The following VRK2 variants were observed in gnomAD, a reference collection of about 807,000 sequenced individuals.
VRK2 encodes the protein serine/threonine-protein kinase VRK2.
VRK2 carries 60 observed loss-of-function variants against 57.6 expected under a neutral mutation model. The observed-to-expected ratio is 1.04, with a 90% confidence interval of 0.85 to 1.29. The LOEUF is 1.29. Ranked by LOEUF, VRK2 falls within the 50% of genes most tolerant of loss-of-function variation. VRK2 has a pLI of 0.00. For missense variants in VRK2, 705 were observed against 588.1 expected, an observed-to-expected ratio of 1.20 and a Z score of -2.06; for synonymous variants, 231 against 199.2, an observed-to-expected ratio of 1.16 and a Z score of -1.35.
intron 1 of VRK2, among the ~76,000 whole-genome samples, chr2:57,938,150 T>A (rs746794108): frequency 6.6e-6 from 1 of 152,226 alleles, no homozygotes; most frequent in Non-Finnish European, 1.5e-5. Flanking sequence ...TCTTTCATTC[T>A]TTAAAATATA....
chr2:58,062,803 AG>A (rs1189640145), intron 2 of VRK2, among the ~76,000 whole-genome samples: 1 of 152,128 alleles, frequency 6.6e-6, no homozygotes, highest in Non-Finnish European at 1.5e-5. Flanking sequence ...TGGAAGGTGA[AG>A]TGGCAAGTGC....
At chr2:57,927,392 T>C (rs976648505) in intron 1 of VRK2, among the ~76,000 whole-genome samples, 2 of 151,818 alleles carry the variant, frequency 1.3e-5, no homozygotes, top group Admixed American at 6.6e-5. Context: ...TTCTCCTGCC[T>C]CAGCCTCCTG....
At chr2:58,041,789 G>A (rs1248571284), upstream of VRK2, among the ~76,000 whole-genome samples, 1 of 152,120 alleles carries the variant, frequency 6.6e-6, no homozygotes, top group Non-Finnish European at 1.5e-5. Flanking sequence ...GGCTCCATCA[G>A]TAAACTAATA....
At chr2:58,148,595 C>T (rs1277034509) in intron 12 of VRK2, among the ~76,000 whole-genome samples, 1 of 151,694 alleles carries the variant, frequency 6.6e-6, no homozygotes, top group Non-Finnish European at 1.5e-5. Context: ...AAACCTTTGC[C>T]TACCTCAAGG....
chr2:57,994,457 T>G (rs551472718), intron 1 of VRK2, among the ~76,000 whole-genome samples: 2 of 152,108 alleles, frequency 1.3e-5, no homozygotes, highest in Non-Finnish European at 2.9e-5. Flanking sequence ...GTCTACACAG[T>G]TCAAAGGAAT....
chr2:58,039,855 T>C (rs1674390639), intron 3 of VRK2, among the ~76,000 whole-genome samples: 1 of 151,960 alleles, frequency 6.6e-6, no homozygotes, highest in African/African-American at 2.4e-5. Flanking sequence ...AATTACTTCT[T>C]GATATTTTCT....
intron 1 of VRK2, among the ~76,000 whole-genome samples, chr2:57,966,318 C>G (rs1558516699): frequency 2.0e-5 from 3 of 152,272 alleles, no homozygotes; most frequent in East Asian, 3.9e-4. Flanking sequence ...AGCTAGTAGT[C>G]ACACTGTGGT....
At chr2:58,082,842 A>G (rs1671083726) in intron 2 of VRK2, among the ~76,000 whole-genome samples, 1 of 151,882 alleles carries the variant, frequency 6.6e-6, no homozygotes, top group Admixed American at 6.6e-5. Context: ...TCAACTGGTT[A>G]GTAGCATTAC....
At chr2:58,085,813 A>G (rs543156242) in intron 4 of VRK2, among the ~76,000 whole-genome samples, 14 of 152,006 alleles carry the variant, frequency 9.2e-5, no homozygotes, top group South Asian at 2.1e-4. Flanking sequence ...GAAAAAAATG[A>G]TGAAAGTTAA....
At chr2:58,062,222 C>T (rs750743596) in intron 2 of VRK2, among the ~76,000 whole-genome samples, 1 of 151,994 alleles carries the variant, frequency 6.6e-6, no homozygotes, top group Non-Finnish European at 1.5e-5. Flanking sequence ...GAACTGCACC[C>T]ATACAAGACG....
At chr2:57,964,365 C>G (rs1572912408) in intron 1 of VRK2, among the ~76,000 whole-genome samples, 1 of 151,960 alleles carries the variant, frequency 6.6e-6, no homozygotes. Context: ...GGTCTTCATC[C>G]TCATCATCTT....
intron 1 of VRK2, among the ~76,000 whole-genome samples, chr2:58,018,538 G>A (rs1673655235): frequency 6.6e-6 from 1 of 152,114 alleles, no homozygotes; most frequent in Non-Finnish European, 1.5e-5. Flanking sequence ...TAAATGTAAT[G>A]TTGTAATATT....
intron 12 of VRK2, among the ~76,000 whole-genome samples, chr2:58,148,632 C>G (rs1413248775): frequency 6.6e-6 from 1 of 151,760 alleles, no homozygotes; most frequent in Non-Finnish European, 1.5e-5. Flanking sequence ...CTATATATTT[C>G]TATACAAGGC....
chr2:57,986,961 A>C (rs769255640), intron 1 of VRK2, among the ~76,000 whole-genome samples: 1 of 152,164 alleles, frequency 6.6e-6, no homozygotes, highest in Non-Finnish European at 1.5e-5. Flanking sequence ...ATAAAGGATA[A>C]TATTTTTTAA....
chr2:58,089,625 T>G lies in VRK2; in HGVS notation c.451-6T>G. 1 of 1,553,794 alleles carries G rather than the reference T, an allele frequency of 6.4e-7. No individual in the cohort carries two copies. The highest frequency in any genetic ancestry group is 8.8e-7 in the Non-Finnish European group (1 of 1,140,178). On this transcript the variant is annotated splice_polypyrimidine_tract_variant and splice_region_variant and intron_variant, in intron 6 of 12. Transcript: ENST00000340157. ...TAAACCTTATTTTATCTATTTATTT[T>G]CACAGTTGGATGTACTGGAATATAT...
rs750647897 is a variant in VRK2, at chr2:58,123,192, G to C, written c.635G>C (p.Gly212Ala). The change falls in exon 8 of 13, where the codon GGG becomes GCG. Residue 212 changes from glycine to alanine, a missense_variant. Coordinates refer to ENST00000340157, the MANE Select transcript of VRK2 (RefSeq NM_006296.7). ...YQENPRKGHN[G>A]TIEFTSLDAH... ...GAAAATCCTAGAAAAGGCCATAATG[G>C]GACAATAGAGTTTACCAGCTTGGAT... is the stretch of plus-strand genomic sequence containing the variant. 5 of 1,590,990 alleles carry C rather than the reference G, an allele frequency of 3.1e-6. No homozygotes were observed. Among genetic ancestry groups the C allele is most frequent in the Non-Finnish European group, 1.7e-6 (2 of 1,173,964 alleles).
At chr2:58,130,949 C>T (rs1290448589) in intron 8 of VRK2, among the ~76,000 whole-genome samples, 1 of 151,966 alleles carries the variant, frequency 6.6e-6, no homozygotes, top group Non-Finnish European at 1.5e-5. Flanking sequence ...TGTCCATCTT[C>T]TTATATAAGG....
intron 7 of VRK2, among the ~76,000 whole-genome samples, chr2:58,112,974 C>A (rs1039209540): frequency 5.3e-5 from 8 of 152,094 alleles, no homozygotes; most frequent in African/African-American, 1.9e-4. Context: ...ACTAATCTTT[C>A]CTGGTTATTT....
intron 3 of VRK2, among the ~76,000 whole-genome samples, chr2:58,041,385 T>G (rs1674449933): frequency 6.6e-6 from 1 of 152,148 alleles, no homozygotes; most frequent in African/African-American, 2.4e-5. Context: ...CAAAGTTAAC[T>G]GGAAACACCA....
Sources: allele counts gnomAD v4.1 joint callset (sites outside exome capture counted in the v4.1 genomes callset), GRCh38; gene constraint gnomAD v4.1.1; transcripts MANE v1.5; gene names NCBI Gene and HGNC (gene_info 2026-07-23, HGNC 2026-07-21).